Variants in AGBL1 observed in about 807,000 individuals in gnomAD.
AGBL1 encodes the protein AGBL carboxypeptidase 1, also known as cytosolic carboxypeptidase 4.
AGBL1 carries 130 observed loss-of-function variants against 118.9 expected under a neutral mutation model. The ratio of observed to expected loss-of-function variants is 1.09; its 90% CI spans 0.95 to 1.26. The LOEUF (loss-of-function observed/expected upper bound fraction) is 1.26, where lower values mean the gene tolerates loss of function less well. Among genes scored for constraint, AGBL1 ranks in the 50% most tolerant of loss-of-function variants. AGBL1 has a pLI of 0.00. For missense variants in AGBL1, 1,584 were observed against 1,298.1 expected (o/e 1.22, Z -3.38); for synonymous variants, 555 against 478.9 (o/e 1.16, Z -2.08).
chr15:86,861,915 A>G (rs1225047782), intron 22 of AGBL1, among the ~76,000 whole-genome samples: 1 of 152,240 alleles, frequency 6.6e-6, no homozygotes, highest in Non-Finnish European at 1.5e-5. Flanking sequence ...GCTCATAGAC[A>G]TCAGGTCAAA....
chr15:86,843,588 A>G (rs1172986365), intron 22 of AGBL1, among the ~76,000 whole-genome samples: 1 of 152,170 alleles, frequency 6.6e-6, no homozygotes, highest in Non-Finnish European at 1.5e-5. Flanking sequence ...ATTGTCCCCC[A>G]GGCAGGGAAA....
chr15:86,303,203 A>G (rs1419871139), intron 17 of AGBL1, among the ~76,000 whole-genome samples: 1 of 152,198 alleles, frequency 6.6e-6, no homozygotes, highest in African/African-American at 2.4e-5. Flanking sequence ...GTTGTGGATA[A>G]TAATACTTTT....
chr15:87,000,069 G>T (rs1413427525), intron 24 of AGBL1, among the ~76,000 whole-genome samples: 1 of 89,138 alleles, frequency 1.1e-5, no homozygotes, highest in East Asian at 2.6e-4. Context: ...CTTTTTGATG[G>T]GGTTGTTTGG....
At chr15:86,616,364 A>ATT (rs1276177170) in intron 21 of AGBL1, among the ~76,000 whole-genome samples, 11 of 145,052 alleles carry the variant, frequency 7.6e-5, no homozygotes, top group South Asian at 2.2e-4. Flanking sequence ...AAAAAAAAAA[A>ATT]AAAAAAAATG....
Position 86,397,406 on chromosome 15 carries a change from A to G in AGBL1, c.2415A>G (p.Pro805=), listed in dbSNP as rs776403904. Residue 805 remains proline, a synonymous_variant, in exon 18 of 23, where the codon CCA becomes CCG. Coordinates refer to ENST00000614907, the MANE Select transcript of AGBL1 (RefSeq NM_001386094.1). ...PYQVITARVH[P]GESNASWVMK... ...AGGTGATCACTGCTCGAGTTCATCC[A>G]GGAGAGAGCAATGCCAGTTGGGTGA... 16 of 1,612,606 alleles carry G rather than the reference A, an allele frequency of 9.9e-6. No homozygotes were observed. Among genetic ancestry groups the G allele is most frequent in the Admixed American group, 1.7e-5 (1 of 59,892 alleles).
chr15:86,467,191 A>C (rs990414481), intron 18 of AGBL1, among the ~76,000 whole-genome samples: 1 of 152,024 alleles, frequency 6.6e-6, no homozygotes, highest in Non-Finnish European at 1.5e-5. Flanking sequence ...GAATCTAGAG[A>C]TGCAGTCTGG....
In AGBL1 at chr15:86,363,108, G is replaced by C. The variant is rs1342032757; in HGVS notation, c.2375-34258G>C. ...CCAGGCTTGGTAAGACTGCCACTGG[G>C]ACAAAGGCCTGCTTTCTCAAAGGGG... On this transcript the variant is annotated intron_variant, in intron 17 of 22. Coordinates refer to ENST00000614907, the MANE Select transcript of AGBL1 (RefSeq NM_001386094.1). Among the ~76,000 whole-genome samples the C allele has an allele frequency of 3.3e-5, 5 of 152,098 alleles. No homozygotes were observed. In the East Asian group the frequency reaches 9.6e-4, roughly 29 times the overall value.
chr15:86,898,003 G>A (rs957625603), intron 22 of AGBL1, among the ~76,000 whole-genome samples: 2 of 151,512 alleles, frequency 1.3e-5, no homozygotes, highest in Non-Finnish European at 2.9e-5. Context: ...GAACTCCTAG[G>A]CCCAAGTGAT....
intron 22 of AGBL1, among the ~76,000 whole-genome samples, chr15:86,688,715 C>T (rs948423869): frequency 6.6e-5 from 10 of 152,094 alleles, no homozygotes; most frequent in Non-Finnish European, 1.2e-4. Flanking sequence ...GAGGCGGGCA[C>T]AATTGATACA....
chr15:86,197,855 A>G (rs938934068), intron 5 of AGBL1, among the ~76,000 whole-genome samples: 1 of 152,174 alleles, frequency 6.6e-6, no homozygotes, highest in African/African-American at 2.4e-5. Context: ...GCTTCAGGAC[A>G]GAACAACAGA....
intron 17 of AGBL1, among the ~76,000 whole-genome samples, chr15:86,309,898 A>G (rs560161779): frequency 1.2e-4 from 19 of 152,276 alleles, no homozygotes; most frequent in African/African-American, 4.3e-4. Context: ...TTCTTTTCTT[A>G]TAATATCCCT....
intron 18 of AGBL1, among the ~76,000 whole-genome samples, chr15:86,399,092 A>T (rs1191975771): frequency 6.6e-6 from 1 of 152,190 alleles, no homozygotes. Context: ...GCCTTTAAGC[A>T]CATGGGAAAA....
At chr15:86,917,750 T>C (rs537018481), downstream of AGBL1, among the ~76,000 whole-genome samples, 1 of 148,856 alleles carries the variant, frequency 6.7e-6, no homozygotes, top group East Asian at 2.0e-4. The surrounding 1 kb of genome is among the most constrained non-coding windows in gnomAD (Gnocchi z 4.8). Flanking sequence ...ATTCGGGGAG[T>C]GGGGCCAGGG....
intron 22 of AGBL1, among the ~76,000 whole-genome samples, chr15:86,785,136 A>C (rs2078388607): frequency 6.6e-6 from 1 of 152,026 alleles, no homozygotes. Flanking sequence ...CCATCCCTGA[A>C]GCTAAGGAGG....
chr15:86,716,830 G>A (rs1426053045), intron 22 of AGBL1, among the ~76,000 whole-genome samples: 1 of 152,192 alleles, frequency 6.6e-6, no homozygotes, highest in African/African-American at 2.4e-5. Flanking sequence ...ATCCAAATGA[G>A]GTGGGGAGGT....
intron 5 of AGBL1, among the ~76,000 whole-genome samples, chr15:86,213,243 A>G (rs1242594143): frequency 6.6e-6 from 1 of 152,198 alleles, no homozygotes; most frequent in Non-Finnish European, 1.5e-5. Context: ...GAGTTCCGCA[A>G]ATCATGGAAC....
chr15:86,104,847 G>A (rs570240746), intron 1 of AGBL1, among the ~76,000 whole-genome samples: 1 of 152,038 alleles, frequency 6.6e-6, no homozygotes, highest in Non-Finnish European at 1.5e-5. Context: ...GCCAGTGTAC[G>A]ATCTCTAGGT....
chr15:86,401,769 C>T lies in AGBL1; in HGVS notation c.2555+4223C>T, dbSNP rs188145878. ...AGATCACTTGGCTGTTAAGTATTGG[C>T]TTTATTTCTGGATATTCTATTTTGT... is the stretch of plus-strand genomic sequence containing the variant. On this transcript the variant is annotated intron_variant, in intron 18 of 22. Transcript: ENST00000614907. 1.3e-3 allele frequency among the ~76,000 whole-genome samples: 195 copies of T among 152,114 alleles called. 2 individuals carry two copies. Among genetic ancestry groups the T allele is most frequent in the African/African-American group, 4.2e-3 (175 of 41,518 alleles).
intron 5 of AGBL1, among the ~76,000 whole-genome samples, chr15:86,186,432 C>T (rs954742495): frequency 6.6e-6 from 1 of 152,222 alleles, no homozygotes; most frequent in Non-Finnish European, 1.5e-5. Flanking sequence ...CTGGACCTCA[C>T]GTCCTGATCA....
Sources: gnomAD v4.1 joint callset for allele counts (sites outside exome capture counted in the v4.1 genomes callset) on GRCh38, gnomAD v4.1.1 for gene constraint, Gnocchi (gnomAD v3.1) non-coding constraint, MANE v1.5 for transcripts, NCBI Gene and HGNC (gene_info 2026-07-23, HGNC 2026-07-21) for gene names.